The following FOCAD variants were observed in gnomAD, a reference collection of about 807,000 sequenced individuals.
FOCAD encodes the protein KIAA1797.
FOCAD carries 198 observed loss-of-function variants against 225.6 expected under a neutral mutation model. The observed-to-expected ratio is 0.88, with a 90% confidence interval of 0.78 to 0.99. The LOEUF (loss-of-function observed/expected upper bound fraction) is 0.99. FOCAD is among the 50% of genes least tolerant of loss of function. The probability of loss-of-function intolerance (pLI) is 0.00; values close to 1 mark genes in which losing one functional copy is unlikely to be tolerated. For missense variants in FOCAD, 2,713 were observed against 2,123.6 expected (o/e 1.28, Z -5.46); for synonymous variants, 897 against 755.0 (o/e 1.19, Z -3.08).
In FOCAD at chr9:20,758,076, T is replaced by C. The variant is rs749247425; in HGVS notation, c.393-14T>C. On this transcript the variant is annotated splice_polypyrimidine_tract_variant and intron_variant, in intron 5 of 43. Transcript: ENST00000338382. ...TGAATAACAGGTTCCCATGTGACTT[T>C]CTGTGTCTTTCAGAAATCATCCTCA... 3.8e-6 allele frequency: 6 copies of C among 1,580,404 alleles called. No homozygotes were observed. In the Admixed American group the frequency reaches 5.4e-5, roughly 14 times the overall value.
In FOCAD at chr9:20,929,433, C is replaced by T. The variant is rs1835261972; in HGVS notation, c.3154C>T (p.Pro1052Ser). ...AAATALSLLV[P>S]VFIISCKEKV... The stretch of plus-strand genomic sequence containing the variant: ...CGCCACGGCTTTGTCTCTCCTTGTG[C>T]CAGTTTTCATTATCTCTTGCAAAGA... The change falls in exon 27 of 44, where the codon CCA becomes TCA. Residue 1052 changes from proline (P) to serine (S), a missense_variant. Pro to Ser is a moderately conservative substitution (Grantham distance 74, BLOSUM62 -1). Coordinates refer to ENST00000338382, the MANE Select transcript of FOCAD (RefSeq NM_001375567.1). 7 of 1,614,080 alleles carry T rather than the reference C, an allele frequency of 4.3e-6. No homozygotes were observed. The highest frequency in any genetic ancestry group is 5.9e-6 in the Non-Finnish European group (7 of 1,180,016).
Position 20,978,508 on chromosome 9 carries a change from A to G in FOCAD, c.4377+54A>G, listed in dbSNP as rs575810629. The stretch of plus-strand genomic sequence containing the variant: ...CAGGAGGATATTGTTCTTTAGGAGG[A>G]TATTAACATTCATTTGGGTGTGTGT... On this transcript the variant is annotated intron_variant, in intron 37 of 43. Transcript: ENST00000338382. 1.5e-4 allele frequency: 175 copies of G among 1,202,568 alleles called. 1 individual carries two copies. The African/African-American group carries it at 2.2e-3, about 15-fold the overall frequency. 74.5% of individuals were successfully genotyped at this position (1,202,568 alleles called of 1,614,324 possible).
At chr9:20,949,024 G>A in intron 32 of FOCAD, 96 bp downstream of exon 32, 1 of 1,116,838 alleles carries the variant, frequency 9.0e-7, no homozygotes, top group Non-Finnish European at 1.3e-6. Context: ...AAGAACAGAA[G>A]GATTTATGCT....
At chr9:20,679,676 C>T (rs1822342313), upstream of FOCAD, among the ~76,000 whole-genome samples, 1 of 152,122 alleles carries the variant, frequency 6.6e-6, no homozygotes, top group South Asian at 2.1e-4. Context: ...TGCTTAACTA[C>T]TTCAGTGGAA....
At chr9:20,888,229 C>A (rs747328760) in intron 21 of FOCAD, among the ~76,000 whole-genome samples, 1 of 149,882 alleles carries the variant, frequency 6.7e-6, no homozygotes, top group Non-Finnish European at 1.5e-5. Flanking sequence ...ACCTCCGCCT[C>A]CTGGGCTCAA....
chr9:20,770,411 T>C (rs955091072), intron 8 of FOCAD, among the ~76,000 whole-genome samples, 173 bp downstream of exon 8: 2 of 152,110 alleles, frequency 1.3e-5, no homozygotes, highest in Non-Finnish European at 2.9e-5. Flanking sequence ...CTTACAATCA[T>C]GGTGGAAGGT....
intron 1 of FOCAD, chr9:20,694,416 T>G (rs1454483879): frequency 6.6e-6 from 1 of 152,108 alleles, no homozygotes; most frequent in Admixed American, 6.5e-5. Context: ...TTATAAGGAG[T>G]GTAATATTGA....
At chr9:20,918,488 C>T (rs1160304130) in intron 24 of FOCAD, among the ~76,000 whole-genome samples, 3 of 152,196 alleles carry the variant, frequency 2.0e-5, no homozygotes, top group Non-Finnish European at 2.9e-5. Context: ...CTTTGGGAGG[C>T]TGAGGCGGGC....
intron 2 of FOCAD, among the ~76,000 whole-genome samples, chr9:20,677,219 A>G (rs1563869981): frequency 6.6e-6 from 1 of 152,244 alleles, no homozygotes; most frequent in East Asian, 1.9e-4. Context: ...GATAAAGTCA[A>G]CTAAAACAGA....
intron 28 of FOCAD, among the ~76,000 whole-genome samples, chr9:20,939,714 TTTA>T (rs1836439606): frequency 6.6e-6 from 1 of 151,454 alleles, no homozygotes; most frequent in African/African-American, 2.4e-5. Context: ...TTTTTTTGTT[TTTA>T]TTTTTTATTT....
At chr9:20,665,173 A>T (rs1468821534) in intron 2 of FOCAD, among the ~76,000 whole-genome samples, 3 of 152,160 alleles carry the variant, frequency 2.0e-5, no homozygotes, top group African/African-American at 7.2e-5. Context: ...GAAAAAGAAA[A>T]ACCTTGCTTG....
chr9:20,840,148 T>G (rs1232124151), intron 15 of FOCAD, among the ~76,000 whole-genome samples: 1 of 152,158 alleles, frequency 6.6e-6, no homozygotes, highest in Admixed American at 6.5e-5. Flanking sequence ...TCTGGGTCTT[T>G]CATGGTTCCA....
At chr9:20,969,997 T>TG (rs1476124789) in intron 35 of FOCAD, among the ~76,000 whole-genome samples, 1 of 151,430 alleles carries the variant, frequency 6.6e-6, no homozygotes, top group Non-Finnish European at 1.5e-5. Flanking sequence ...GACAGTTTTT[T>TG]TTTTTTCTTT....
At chr9:20,716,135 C>T (rs760801072) in intron 2 of FOCAD, 3 of 482,854 alleles carry the variant, frequency 6.2e-6, no homozygotes, top group African/African-American at 5.8e-5. Context: ...GGAACCCTTC[C>T]ATGAGGAGTA....
intron 18 of FOCAD, among the ~76,000 whole-genome samples, chr9:20,872,353 A>C (rs897467052): frequency 2.6e-5 from 4 of 152,136 alleles, no homozygotes; most frequent in African/African-American, 9.7e-5. Flanking sequence ...ACAGGATAGG[A>C]GGATAGGATA....
At chr9:20,668,505 T>A (rs1009584062) in intron 2 of FOCAD, among the ~76,000 whole-genome samples, 1 of 152,246 alleles carries the variant, frequency 6.6e-6, no homozygotes, top group Non-Finnish European at 1.5e-5. Flanking sequence ...TTTTTTATGT[T>A]CTGATATCAG....
At chr9:20,793,274 A>G (rs146403470) in intron 11 of FOCAD, among the ~76,000 whole-genome samples, 4 of 152,328 alleles carry the variant, frequency 2.6e-5, no homozygotes, top group African/African-American at 4.8e-5. Context: ...TATAAGGTCA[A>G]GTTGCATGTA....
At chr9:20,816,859 A>G (rs1823779306) in intron 11 of FOCAD, among the ~76,000 whole-genome samples, 1 of 152,186 alleles carries the variant, frequency 6.6e-6, no homozygotes, top group African/African-American at 2.4e-5. Context: ...AACTATTTAC[A>G]TAGCATTTAC....
At chr9:20,693,349 A>G (rs1427868032) in intron 1 of FOCAD, among the ~76,000 whole-genome samples, 1 of 152,092 alleles carries the variant, frequency 6.6e-6, no homozygotes, top group Non-Finnish European at 1.5e-5. Flanking sequence ...CCTTTCCCTG[A>G]CCATCCTTTT....
Sources: allele counts gnomAD v4.1 joint callset (sites outside exome capture counted in the v4.1 genomes callset), GRCh38; gene constraint gnomAD v4.1.1; transcripts MANE v1.5; gene names NCBI Gene and HGNC (gene_info 2026-07-23, HGNC 2026-07-21).